The following SCN1A variants were observed in gnomAD, a reference collection of about 807,000 sequenced individuals.
SCN1A encodes sodium voltage-gated channel alpha subunit 1, also known as sodium channel protein type 1 subunit alpha.
Under a neutral mutation model 193.7 loss-of-function variants are expected in SCN1A, and 13 were observed. The observed-to-expected ratio is 0.07, with a 90% CI of 0.04 to 0.11. The LOEUF (loss-of-function observed/expected upper bound fraction) is 0.11, where lower values mean the gene tolerates loss of function less well. Among genes scored for constraint, SCN1A ranks in the 10% least tolerant of loss-of-function variants. The probability of loss-of-function intolerance (pLI) is 1.00; values close to 1 mark genes in which losing one functional copy is unlikely to be tolerated. For synonymous variants in SCN1A, 781 were observed against 843.6 expected, an observed-to-expected ratio of 0.93 and a Z score of 1.29; for missense variants, 1,432 against 2,451.1, an observed-to-expected ratio of 0.58 and a Z score of 8.78.
rs780457546 is a variant in SCN1A, at chr2:166,048,948, T to C, written c.966A>G (p.Arg322=). The C allele has an allele frequency of 3.1e-6, 5 of 1,595,848 alleles. No individual in the cohort carries two copies. The South Asian group carries it at 5.5e-5, about 18-fold the overall frequency. The stretch of plus-strand genomic sequence containing the variant: ...AAAAACCCTCCAGGAAATAATGATA[T>C]CCTGTTTGAAAAAAGAAAGTCGTAT... ...FDWKSYIQDS[R]YHYFLEGFLD... The change falls in exon 10 of 29, where the codon AGA becomes AGG. Residue 322 remains arginine, a splice_region_variant and synonymous_variant. Coordinates refer to ENST00000674923, the MANE Select transcript of SCN1A (RefSeq NM_001165963.4).
intron 3 of SCN1A, among the ~76,000 whole-genome samples, chr2:166,074,293 C>T (rs996053781): frequency 2.6e-5 from 4 of 152,084 alleles, no homozygotes; most frequent in East Asian, 1.9e-4. Flanking sequence ...AGACAGTCCA[C>T]GGTTGGACAA....
chr2:166,044,756 A>T (rs563150274), intron 13 of SCN1A, among the ~76,000 whole-genome samples: 16 of 152,262 alleles, frequency 1.1e-4, no homozygotes, highest in Non-Finnish European at 1.9e-4. Flanking sequence ...AGGATCAAAA[A>T]GATTAAATGT....
intron 2 of SCN1A, among the ~76,000 whole-genome samples, chr2:166,092,023 C>T (rs192355867): frequency 1.3e-5 from 2 of 152,210 alleles, no homozygotes; most frequent in Admixed American, 1.3e-4. Context: ...AACATGTAGC[C>T]ATAAAACAAC....
chr2:166,030,826 C>T (rs1455367997), intron 19 of SCN1A, among the ~76,000 whole-genome samples: 2 of 151,730 alleles, frequency 1.3e-5, no homozygotes, highest in South Asian at 2.1e-4. Flanking sequence ...GTAGGTGCTT[C>T]GGAGGATAGA....
At position 166,048,929 on chromosome 2, in the gene SCN1A, C is replaced by T. The variant is rs781746113; in HGVS notation, c.985G>A (p.Gly329Ser). Residue 329 changes from glycine (G) to serine (S), a missense_variant, in exon 10 of 29, where the codon GGT becomes AGT. By Grantham distance (56) the Gly-to-Ser change is moderately conservative (BLOSUM62 0). Coordinates refer to ENST00000674923, the MANE Select transcript of SCN1A (RefSeq NM_001165963.4). ...CCACATAGTAGTGCATCTAAAAAAC[C>T]CTCCAGGAAATAATGATATCCTGTT... is the stretch of plus-strand genomic sequence containing the variant. ...QDSRYHYFLE[G>S]FLDALLCGNS... The T allele has an allele frequency of 6.2e-7, 1 of 1,605,592 alleles. No individual in the cohort carries two copies. The highest frequency in any genetic ancestry group is 8.5e-7 in the Non-Finnish European group (1 of 1,172,972).
chr2:166,071,734 C>CA (rs1157479228), intron 4 of SCN1A: 1 of 151,944 alleles, frequency 6.6e-6, no homozygotes, highest in Non-Finnish European at 1.5e-5. Context: ...ACTAAAATTA[C>CA]AGAAAATTAG....
rs560781870 is a variant in SCN1A, at chr2:166,051,466, A to T, written c.964+253T>A. 3.9e-5 allele frequency among the ~76,000 whole-genome samples: 6 copies of T among 152,156 alleles called. No individual in the cohort carries two copies. The East Asian group carries it at 9.6e-4, about 24-fold the overall frequency. On this transcript the variant is annotated intron_variant, in intron 9 of 28. Transcript: ENST00000674923. ...CACATTAGCAATGAAAAGACCAAAT[A>T]TACATGATAGTAATTCTTTTTTAGA... is the stretch of plus-strand genomic sequence containing the variant.
rs1204620691 is a variant in SCN1A, at chr2:166,036,366, G to A, written c.3111C>T (p.Ser1037=). 5.6e-6 allele frequency: 9 copies of A among 1,606,134 alleles called. No homozygotes were observed. The highest frequency in any genetic ancestry group is 6.8e-6 in the Non-Finnish European group (8 of 1,177,336). Residue 1037 remains serine, a synonymous_variant, in exon 19 of 29, where the codon TCC becomes TCT. Transcript: ENST00000674923. ...KRKIYEFIQQ[S]FIRKQKILDE... is the part of the protein sequence containing the mutation. Reference sequence around the variant, plus strand: ...CTAAAATCTTTTGTTTCCTAATGAAGGACTGTTGAATAAATTCATATATTT... The same window carrying A: ...CTAAAATCTTTTGTTTCCTAATGAAAGACTGTTGAATAAATTCATATATTT...
intron 14 of SCN1A, among the ~76,000 whole-genome samples, chr2:166,043,101 T>C (rs990793561): frequency 1.3e-5 from 2 of 152,160 alleles, no homozygotes; most frequent in East Asian, 1.9e-4. Flanking sequence ...TAACATACCT[T>C]TGTACACAGA....
intron 17 of SCN1A, 39 bp from the exon 18 acceptor site, chr2:166,038,171 T>G (rs769695256): frequency 1.3e-5 from 19 of 1,440,928 alleles, no homozygotes; most frequent in Non-Finnish European, 1.8e-5. Context: ...GTATGATTCT[T>G]AAAAGCATTA....
At chr2:166,044,470 C>T (rs991274036) in intron 13 of SCN1A, among the ~76,000 whole-genome samples, 4 of 152,166 alleles carry the variant, frequency 2.6e-5, no homozygotes, top group African/African-American at 9.7e-5. Flanking sequence ...CAACACTCCT[C>T]ACAATTTACT....
At chr2:166,118,308 T>C (rs1690130903) in intron 2 of SCN1A, among the ~76,000 whole-genome samples, 1 of 121,582 alleles carries the variant, frequency 8.2e-6, no homozygotes, top group African/African-American at 3.3e-5. Flanking sequence ...GTTTCTTTTT[T>C]TTTTTTTTTT....
chr2:165,992,140 T>G lies in SCN1A; in HGVS notation c.5135A>C (p.Asn1712Thr). ...AATTTGGAATAGGCAGATCATGCTG[T>G]TGCCAAAGGTCTCAAAGTTGAACAT... ...DDMFNFETFG[N>T]SMICLFQITT... Residue 1712 changes from asparagine (N) to threonine (T), a missense_variant, in exon 29 of 29, where the codon AAC (asparagine) becomes ACC (threonine). By Grantham distance (65) the Asn-to-Thr change is moderately conservative. Coordinates refer to ENST00000674923, the MANE Select transcript of SCN1A (RefSeq NM_001165963.4). This position sits in a 1 kb window ranked among gnomAD's most constrained non-coding sequence, Gnocchi z 6.5. 6.2e-7 allele frequency: 1 copy of G among 1,613,932 alleles called. No homozygotes were observed. Among genetic ancestry groups the G allele is most frequent in the Non-Finnish European group, 8.5e-7 (1 of 1,179,922 alleles).
At chr2:166,076,875 C>A (rs1685041102) in intron 3 of SCN1A, among the ~76,000 whole-genome samples, 1 of 150,290 alleles carries the variant, frequency 6.7e-6, no homozygotes, top group African/African-American at 2.4e-5. Flanking sequence ...ATGCCTTTCA[C>A]AAAAAATAAT....
At chr2:166,111,210 G>A (rs1175151527) in intron 2 of SCN1A, among the ~76,000 whole-genome samples, 1 of 152,080 alleles carries the variant, frequency 6.6e-6, no homozygotes, top group African/African-American at 2.4e-5. Flanking sequence ...TGGCTTTAAA[G>A]CTTCACAGAA....
intron 19 of SCN1A, among the ~76,000 whole-genome samples, chr2:166,033,090 C>T (rs1695845872): frequency 1.3e-5 from 2 of 152,034 alleles, no homozygotes; most frequent in South Asian, 4.1e-4. Context: ...TAAGTAGCTA[C>T]CCTAAAATAT....
At chr2:165,998,441 G>C (rs963716793) in intron 25 of SCN1A, among the ~76,000 whole-genome samples, 2 of 150,930 alleles carry the variant, frequency 1.3e-5, no homozygotes, top group East Asian at 3.9e-4. Flanking sequence ...ACAGTAATGT[G>C]CTAAATTTGC....
chr2:166,098,427 C>G (rs1353320864), intron 2 of SCN1A, among the ~76,000 whole-genome samples: 1 of 152,134 alleles, frequency 6.6e-6, no homozygotes, highest in Non-Finnish European at 1.5e-5. Flanking sequence ...TGAAAGCATT[C>G]TCCCTAAGAA....
intron 1 of SCN1A, chr2:166,133,915 A>C (rs953308793): frequency 6.6e-6 from 1 of 152,128 alleles, no homozygotes; most frequent in Non-Finnish European, 1.5e-5. Flanking sequence ...GAAAGTAAGA[A>C]CTATGACTTA....
Sources: gnomAD v4.1 joint callset for allele counts (sites outside exome capture counted in the v4.1 genomes callset) on GRCh38, gnomAD v4.1.1 for gene constraint, Gnocchi (gnomAD v3.1) non-coding constraint, MANE v1.5 for transcripts, NCBI Gene and HGNC (gene_info 2026-07-23, HGNC 2026-07-21) for gene names.